Variants in MRO observed in about 807,000 individuals in gnomAD.
MRO encodes protein maestro.
MRO carries 28 observed loss-of-function variants against 31.0 expected under a neutral mutation model. The ratio of observed to expected loss-of-function variants is 0.90; its 90% CI spans 0.67 to 1.24. The LOEUF is 1.24. Ranked by LOEUF, MRO falls within the 50% of genes most tolerant of loss-of-function variation. The pLI is 0.00. For synonymous variants in MRO, 108 were observed against 108.4 expected (o/e 1.00, Z 0.02); for missense variants, 332 against 289.2 (o/e 1.15, Z -1.07).
In MRO at chr18:50,811,051, G is replaced by A. The variant is rs116627266; in HGVS notation, c.-4-1647C>T. The stretch of plus-strand genomic sequence containing the variant: ...GCAGAGCGTATATGACACATTGGGA[G>A]TCAACGGGATCCCATGCAGTATCAT... On this transcript the variant is annotated intron_variant, in intron 2 of 7. Transcript: ENST00000398439. Among the ~76,000 whole-genome samples, 190 of 152,256 alleles carry A rather than the reference G, an allele frequency of 1.2e-3. 2 individuals are homozygous for A. The highest frequency in any genetic ancestry group is 4.3e-3 in the African/African-American group (179 of 41,534).
upstream of MRO, among the ~76,000 whole-genome samples, chr18:50,824,875 G>A (rs1915454979): frequency 6.7e-6 from 1 of 149,604 alleles, no homozygotes; most frequent in African/African-American, 2.5e-5. Flanking sequence ...AGGAGTTCAA[G>A]ACCAGCCTGG....
upstream of MRO, among the ~76,000 whole-genome samples, chr18:50,822,860 T>C (rs1286057965): frequency 6.6e-6 from 1 of 151,832 alleles, no homozygotes; most frequent in Non-Finnish European, 1.5e-5. Context: ...GGAGGCAGAG[T>C]GCTCGGCAGG....
rs1282533430 is a variant in MRO, at chr18:50,798,033, C to A, written c.*1304G>T. 1 of 152,288 alleles carries A rather than the reference C, an allele frequency of 6.6e-6. No homozygotes were observed. The highest frequency in any genetic ancestry group is 2.4e-5 in the African/African-American group (1 of 41,456). 9.4% of individuals were successfully genotyped at this position (152,288 alleles called of 1,614,324 possible). On this transcript the variant is annotated 3_prime_UTR_variant, in exon 8 of 8. Transcript: ENST00000398439. ...TCATTCTCAGAATGCCACTTAAGAT[C>A]CAGCTATAGCTTTTATAATCCCCCG...
At chr18:50,800,718 C>G (rs767856157) in intron 6 of MRO, among the ~76,000 whole-genome samples, 1 of 151,922 alleles carries the variant, frequency 6.6e-6, no homozygotes, top group Non-Finnish European at 1.5e-5. Context: ...AATCCCATCT[C>G]TACTTAAAAT....
chr18:50,810,942 G>C (rs1305199152), intron 2 of MRO, among the ~76,000 whole-genome samples: 1 of 152,148 alleles, frequency 6.6e-6, no homozygotes, highest in African/African-American at 2.4e-5. Flanking sequence ...ATAAAGTTAA[G>C]AGCCACTGAA....
intron 2 of MRO, among the ~76,000 whole-genome samples, chr18:50,811,554 A>C (rs1012637548): frequency 2.0e-5 from 3 of 152,092 alleles, no homozygotes; most frequent in Admixed American, 2.0e-4. Flanking sequence ...TTTATGGCTG[A>C]ATAGTATTCA....
chr18:50,799,226 T>A lies in MRO; in HGVS notation c.*111A>T. On this transcript the variant is annotated 3_prime_UTR_variant, in exon 8 of 8. Transcript: ENST00000398439. The stretch of plus-strand genomic sequence containing the variant: ...TGCTCTCCCAGCACCCTCTTTCCCA[T>A]TACAATCCCAAGAGGCAAGCAGTGA... 1.1e-6 allele frequency: 1 copy of A among 944,642 alleles called. No individual in the cohort carries two copies. The highest frequency in any genetic ancestry group is 1.7e-6 in the Non-Finnish European group (1 of 586,166). 58.5% of individuals were successfully genotyped at this position (944,642 alleles called of 1,614,324 possible).
chr18:50,821,267 G>A (rs1429191385), upstream of MRO, among the ~76,000 whole-genome samples: 1 of 152,168 alleles, frequency 6.6e-6, no homozygotes, highest in East Asian at 1.9e-4. Flanking sequence ...GGCATCAAGG[G>A]CACGAGGGAA....
At chr18:50,805,411 A>G in intron 4 of MRO, 75 bp from the exon 5 acceptor site, 4 of 1,192,366 alleles carry the variant, frequency 3.4e-6, no homozygotes, top group Non-Finnish European at 4.8e-6. Flanking sequence ...CCCACATCTA[A>G]GCTACTAATA....
At position 50,806,784 on chromosome 18, in the gene MRO, T is replaced by C. The variant is rs145379364; in HGVS notation, c.166A>G (p.Arg56Gly). The C allele has an allele frequency of 6.2e-7, 1 of 1,614,144 alleles. No homozygotes were observed. Among genetic ancestry groups the C allele is most frequent in the Admixed American group, 1.7e-5 (1 of 60,026 alleles). ...TTTTTAGCACTGGGGTCCCGAGCTCTTTCTGCCAAGATGAAAAACACATTC... is the reference window on the plus strand; with the variant it reads ...TTTTTAGCACTGGGGTCCCGAGCTCCTTCTGCCAAGATGAAAAACACATTC... The part of the protein sequence containing the change: ...LKNVFFILAE[R>G]ARDPSAKKRH... The change falls in exon 4 of 8, where the codon AGA becomes GGA. Residue 56 changes from arginine (R) to glycine (G), a missense_variant. Transcript: ENST00000398439.
At position 50,796,033 on chromosome 18, in the gene MRO, C is replaced by T. The variant is rs2586779; in HGVS notation, c.*3304G>A. 0.46 allele frequency: 69,568 copies of T among 152,050 alleles called. 16,622 individuals carry two copies. The highest frequency in any genetic ancestry group is 0.56 in the Admixed American group (8,579 of 15,278). The allele number at this position is 152,050 out of a possible 1,614,324, so 9.4% of individuals were successfully genotyped here. ...TACCCTGGGCACTTAGCATGAGGGT[C>T]GGGGCACTTGAACATTCCTTTTTTC... On this transcript the variant is annotated 3_prime_UTR_variant, in exon 8 of 8. Transcript: ENST00000398439.
chr18:50,820,088 G>T (rs7235181), upstream of MRO: 1 of 883,732 alleles, frequency 1.1e-6, no homozygotes, highest in South Asian at 1.5e-5. Flanking sequence ...CGAGATGGCG[G>T]CATGACTCAA....
intron 5 of MRO, 71 bp downstream of exon 5, chr18:50,805,083 A>C: frequency 2.2e-6 from 3 of 1,353,688 alleles, no homozygotes; most frequent in Non-Finnish European, 3.1e-6. Context: ...GAGCCACCGC[A>C]CCCGGCCCCA....
At chr18:50,824,848 G>C (rs1284739320), upstream of MRO, among the ~76,000 whole-genome samples, 1 of 150,812 alleles carries the variant, frequency 6.6e-6, no homozygotes, top group African/African-American at 2.4e-5. Context: ...GCCGAGACGG[G>C]AGGATCACCT....
intron 2 of MRO, among the ~76,000 whole-genome samples, chr18:50,810,057 C>T (rs1164641861): frequency 6.6e-6 from 1 of 152,180 alleles, no homozygotes. Context: ...CTTCTACCTC[C>T]CAGGCTTAAG....
chr18:50,824,602 G>A (rs1401457106), upstream of MRO, among the ~76,000 whole-genome samples: 8 of 150,538 alleles, frequency 5.3e-5, no homozygotes, highest in African/African-American at 1.7e-4. Context: ...CTACAGGTGC[G>A]TGCCACCATG....
At chr18:50,809,171 AAAC>A (rs2144631096) in intron 3 of MRO, 128 bp downstream of exon 3, 1 of 418,416 alleles carries the variant, frequency 2.4e-6, no homozygotes. Flanking sequence ...AAAAAAAAAA[AAAC>A]TGTCATCAAA....
At chr18:50,799,639 G>A (rs1451019201) in intron 7 of MRO, among the ~76,000 whole-genome samples, 1 of 152,174 alleles carries the variant, frequency 6.6e-6, no homozygotes. Flanking sequence ...GGCCGGGCAT[G>A]CTGACTCATG....
chr18:50,813,715 G>C (rs1914654380), intron 2 of MRO, among the ~76,000 whole-genome samples: 1 of 152,174 alleles, frequency 6.6e-6, no homozygotes, highest in African/African-American at 2.4e-5. Context: ...ATTATCCTAA[G>C]CAAACTAACA....
Sources: gnomAD v4.1 joint callset for allele counts (sites outside exome capture counted in the v4.1 genomes callset) on GRCh38, gnomAD v4.1.1 for gene constraint, MANE v1.5 for transcripts, NCBI Gene and HGNC (gene_info 2026-07-23, HGNC 2026-07-21) for gene names.